The following VTI1A variants were observed in gnomAD, a reference collection of about 807,000 sequenced individuals.
VTI1A encodes vesicle transport through interaction with t-SNAREs 1A, also known as vesicle transport through interaction with t-SNAREs homolog 1A.
A neutral mutation model predicts 34.9 loss-of-function variants in VTI1A; 22 were observed. The observed-to-expected ratio is 0.63, with a 90% CI of 0.45 to 0.90. The LOEUF (loss-of-function observed/expected upper bound fraction) is 0.90. Among genes scored for constraint, VTI1A ranks in the 40% least tolerant of loss-of-function variants. The pLI is 0.00. For synonymous variants in VTI1A, 87 were observed against 97.3 expected (o/e 0.89, Z 0.62); for missense variants, 268 against 275.6 (o/e 0.97, Z 0.20).
chr10:112,814,725 A>T (rs1352200213), intron 7 of VTI1A, among the ~76,000 whole-genome samples: 15 of 152,188 alleles, frequency 9.9e-5, no homozygotes, highest in African/African-American at 3.4e-4. Flanking sequence ...TCCTAGCGTA[A>T]CGGAGCGTGA....
intron 7 of VTI1A, among the ~76,000 whole-genome samples, chr10:112,802,106 A>G (rs1852896847): frequency 6.6e-6 from 1 of 152,136 alleles, no homozygotes; most frequent in Admixed American, 6.5e-5. Context: ...TAAATTAGCC[A>G]GGCATAGTGG....
intron 5 of VTI1A, among the ~76,000 whole-genome samples, chr10:112,630,097 G>A (rs1846072990): frequency 6.6e-6 from 1 of 152,138 alleles, no homozygotes; most frequent in Non-Finnish European, 1.5e-5. Flanking sequence ...TTGATCAAAA[G>A]ATGAAGGTTC....
chr10:112,530,825 G>T (rs1295221321), intron 4 of VTI1A, among the ~76,000 whole-genome samples: 3 of 152,046 alleles, frequency 2.0e-5, no homozygotes, highest in Non-Finnish European at 4.4e-5. Context: ...ATTTCATATA[G>T]CCCTGGCAGA....
intron 5 of VTI1A, among the ~76,000 whole-genome samples, chr10:112,615,001 A>G (rs1272214835): frequency 2.0e-5 from 3 of 152,208 alleles, no homozygotes; most frequent in African/African-American, 7.2e-5. Flanking sequence ...GGGATGGAGT[A>G]CACAGATAAT....
chr10:112,766,753 A>T (rs1851660342), intron 7 of VTI1A, among the ~76,000 whole-genome samples: 1 of 152,204 alleles, frequency 6.6e-6, no homozygotes, highest in South Asian at 2.1e-4. Flanking sequence ...CATCTTCATA[A>T]ACCTTTTCCT....
At position 112,449,175 on chromosome 10, in the gene VTI1A, C is replaced by G. The variant is rs539492004; in HGVS notation, c.94+1708C>G. 7.9e-5 allele frequency: 12 copies of G among 152,332 alleles called. No individual in the cohort carries two copies. In the East Asian group the frequency reaches 2.3e-3, roughly 29 times the overall value. The allele number at this position is 152,332 out of a possible 1,614,324, so 9.4% of individuals were successfully genotyped here. On this transcript the variant is annotated intron_variant, in intron 1 of 7. Transcript: ENST00000393077. ...TCTTGATTTTTGTTATTGTTGGAGACTACTTCCTTTGAATTGAGTCCCAGA... is the reference window on the plus strand; with the variant it reads ...TCTTGATTTTTGTTATTGTTGGAGAGTACTTCCTTTGAATTGAGTCCCAGA...
intron 7 of VTI1A, among the ~76,000 whole-genome samples, chr10:112,678,754 C>T (rs535991952): frequency 2.0e-5 from 3 of 152,202 alleles, no homozygotes; most frequent in Non-Finnish European, 4.4e-5. Flanking sequence ...GGTGGTCGAG[C>T]TAGCTGCTAC....
intron 7 of VTI1A, among the ~76,000 whole-genome samples, chr10:112,681,382 G>C (rs1044699487): frequency 6.6e-6 from 1 of 152,154 alleles, no homozygotes; most frequent in African/African-American, 2.4e-5. Context: ...TGCCCAGCCA[G>C]GAGCCTTCAG....
intron 1 of VTI1A, chr10:112,449,185 T>G (rs1166848516): frequency 6.6e-6 from 1 of 152,266 alleles, no homozygotes; most frequent in Admixed American, 6.5e-5. Context: ...CTACTTCCTT[T>G]GAATTGAGTC....
At chr10:112,604,451 A>C (rs1260541909) in intron 5 of VTI1A, among the ~76,000 whole-genome samples, 1 of 151,944 alleles carries the variant, frequency 6.6e-6, no homozygotes, top group Non-Finnish European at 1.5e-5. Flanking sequence ...CTTTCTCTCC[A>C]TTTTTGCTTT....
chr10:112,826,768 C>T, the VTI1A span: 13 of 152,146 alleles, frequency 8.5e-5, no homozygotes, highest in African/African-American at 2.9e-4. Context: ...CTAAGCCACC[C>T]TCATGGAGGT....
intron 7 of VTI1A, among the ~76,000 whole-genome samples, chr10:112,760,889 C>CAAAAAAAAA: frequency 1.1e-5 from 1 of 94,262 alleles, no homozygotes; most frequent in Non-Finnish European, 2.3e-5. Context: ...ACTCCATCTC[C>CAAAAAAAAA]AAAAAAAAAA....
At chr10:112,621,932 C>G (rs1845752831) in intron 5 of VTI1A, among the ~76,000 whole-genome samples, 1 of 152,170 alleles carries the variant, frequency 6.6e-6, no homozygotes, top group Non-Finnish European at 1.5e-5. Flanking sequence ...GTCCTTGGCT[C>G]CGTAGTATCA....
In VTI1A at chr10:112,624,597, G is replaced by A. The variant is rs141779776; in HGVS notation, c.428-43621G>A. On this transcript the variant is annotated intron_variant, in intron 5 of 7. Coordinates refer to ENST00000393077, the MANE Select transcript of VTI1A (RefSeq NM_145206.4). ...GGATAAATGCTTATAAGTGAAATAC[G>A]AGTATAACAGAAAGATAAAAATCGA... Among the ~76,000 whole-genome samples, 12 of 151,970 alleles carry A rather than the reference G, an allele frequency of 7.9e-5. No homozygotes were observed. In the East Asian group the frequency reaches 1.9e-3, roughly 24 times the overall value.
intron 5 of VTI1A, among the ~76,000 whole-genome samples, chr10:112,617,289 G>T (rs58996410): frequency 0.1 from 15,585 of 152,154 alleles, 897 homozygotes; most frequent in Middle Eastern, 0.15. Flanking sequence ...TCAACATTGT[G>T]TCTTTCAATA....
chr10:112,754,756 G>A (rs1590154517), intron 7 of VTI1A, among the ~76,000 whole-genome samples: 1 of 152,306 alleles, frequency 6.6e-6, no homozygotes, highest in South Asian at 2.1e-4. Context: ...CAGAGTGTCT[G>A]CAGCATCCAC....
At chr10:112,649,212 A>G (rs1846916435) in intron 5 of VTI1A, among the ~76,000 whole-genome samples, 1 of 152,144 alleles carries the variant, frequency 6.6e-6, no homozygotes, top group Admixed American at 6.5e-5. Context: ...ATATGCTGCC[A>G]TTACCCACTG....
In VTI1A at chr10:112,705,872, G is replaced by A. The variant is rs561949748; in HGVS notation, c.560+36874G>A. On this transcript the variant is annotated intron_variant, in intron 7 of 7. Coordinates refer to ENST00000393077, the MANE Select transcript of VTI1A (RefSeq NM_145206.4). The stretch of plus-strand genomic sequence containing the variant: ...CAAAACAAACAAGACTTCATCTAGA[G>A]AAGCTAGTTCCGTGTTAATCTGGTC... Among the ~76,000 whole-genome samples, 10 of 152,262 alleles carry A rather than the reference G, an allele frequency of 6.6e-5. No homozygotes were observed. The South Asian group carries it at 2.1e-3, about 32-fold the overall frequency.
intron 7 of VTI1A, among the ~76,000 whole-genome samples, chr10:112,814,727 G>A (rs142024443): frequency 4.6e-5 from 7 of 152,272 alleles, no homozygotes; most frequent in East Asian, 3.9e-4. Context: ...CTAGCGTAAC[G>A]GAGCGTGAGC....
Sources: allele counts gnomAD v4.1 joint callset (sites outside exome capture counted in the v4.1 genomes callset), GRCh38; gene constraint gnomAD v4.1.1; transcripts MANE v1.5; gene names NCBI Gene and HGNC (gene_info 2026-07-23, HGNC 2026-07-21).